Variants in HMCN1 observed in about 807,000 individuals in gnomAD.
HMCN1 encodes the protein hemicentin-1.
HMCN1 carries 321 observed loss-of-function variants against 625.9 expected under a neutral mutation model. The ratio of observed to expected loss-of-function variants is 0.51; its 90% CI spans 0.47 to 0.56. HMCN1 has a LOEUF of 0.56. Ranked by LOEUF, HMCN1 falls within the 20% of genes least tolerant of loss-of-function variation. The pLI is 0.00. For synonymous variants in HMCN1, 2,425 were observed against 2,417.6 expected (o/e 1.00, Z -0.09); for missense variants, 6,588 against 6,887.3 (o/e 0.96, Z 1.54).
chr1:186,108,095 G>A (rs2102456199), intron 70 of HMCN1, among the ~76,000 whole-genome samples: 1 of 148,728 alleles, frequency 6.7e-6, no homozygotes, highest in South Asian at 2.1e-4. Context: ...ATTATGATGG[G>A]CACTCCCTGA....
At chr1:185,930,826 C>T (rs146249006) in intron 10 of HMCN1, among the ~76,000 whole-genome samples, 65 of 151,656 alleles carry the variant, frequency 4.3e-4, no homozygotes, top group African/African-American at 1.4e-3. Context: ...CTTTTCATTA[C>T]ATTTGGTAGT....
chr1:186,003,321 C>T (rs1271603849), intron 28 of HMCN1, among the ~76,000 whole-genome samples: 1 of 152,120 alleles, frequency 6.6e-6, no homozygotes, highest in East Asian at 1.9e-4. Context: ...TCAAGTAGCA[C>T]CACACTATAT....
chr1:186,074,409 A>G (rs920171690), intron 52 of HMCN1, among the ~76,000 whole-genome samples: 35 of 151,970 alleles, frequency 2.3e-4, no homozygotes, highest in African/African-American at 7.7e-4. Context: ...ATTATATGAG[A>G]TCAGTGAAAA....
intron 15 of HMCN1, among the ~76,000 whole-genome samples, chr1:185,972,396 G>GATTA (rs1650894341): frequency 1.3e-5 from 2 of 152,068 alleles, no homozygotes; most frequent in Non-Finnish European, 2.9e-5. Context: ...ATCTGTGTTG[G>GATTA]GGTGACTTAC....
chr1:186,063,975 T>C (rs1483130951), intron 48 of HMCN1, among the ~76,000 whole-genome samples: 2 of 152,150 alleles, frequency 1.3e-5, no homozygotes, highest in Admixed American at 1.3e-4. Context: ...AGTCAGAGTT[T>C]AAAGGAAGAT....
chr1:186,040,382 T>C (rs1656125893), intron 39 of HMCN1, among the ~76,000 whole-genome samples: 1 of 152,106 alleles, frequency 6.6e-6, no homozygotes, highest in Admixed American at 6.6e-5. Flanking sequence ...TTTAAATGCA[T>C]TATATTGAGT....
chr1:185,958,165 T>C (rs1405017174), intron 11 of HMCN1, among the ~76,000 whole-genome samples: 1 of 152,100 alleles, frequency 6.6e-6, no homozygotes, highest in African/African-American at 2.4e-5. Flanking sequence ...ACTGCAACTT[T>C]TGACTCACTG....
chr1:185,956,167 G>A (rs1271811028), intron 11 of HMCN1, among the ~76,000 whole-genome samples: 2 of 151,880 alleles, frequency 1.3e-5, no homozygotes, highest in Non-Finnish European at 2.9e-5. Context: ...TCCATATACC[G>A]AACTTCACTT....
rs58109956 is a variant in HMCN1 at position 185,919,071 on chromosome 1, G to A, written c.901-3308G>A. 2.3e-3 allele frequency among the ~76,000 whole-genome samples: 321 copies of A among 142,250 alleles called. 3 individuals carry two copies. The highest frequency in any genetic ancestry group is 9.3e-3 in the African/African-American group (311 of 33,368). The allele number at this position is 142,250 out of a possible 152,430, so 93.3% of individuals were successfully genotyped here. ...AGTAATTTTGGCCTCACTAATTTTA[G>A]GACATATATATATATATATAATTTT... On this transcript the variant is annotated intron_variant, in intron 6 of 106. Transcript: ENST00000271588.
At chr1:185,930,177 T>C (rs1325281330) in intron 10 of HMCN1, among the ~76,000 whole-genome samples, 1 of 152,164 alleles carries the variant, frequency 6.6e-6, no homozygotes, top group Non-Finnish European at 1.5e-5. Flanking sequence ...AACTAGGAAA[T>C]TGTACTGTGC....
At chr1:185,894,758 T>C (rs1665387615) in intron 4 of HMCN1, among the ~76,000 whole-genome samples, 1 of 152,228 alleles carries the variant, frequency 6.6e-6, no homozygotes, top group African/African-American at 2.4e-5. Context: ...AACAAAGATT[T>C]TGGATTTTCT....
At position 186,038,564 on chromosome 1, in the gene HMCN1, G is replaced by A. The variant is rs182185087; in HGVS notation, c.5852-265G>A. On this transcript the variant is annotated intron_variant, in intron 37 of 106. Transcript: ENST00000271588. Reference sequence around the variant, plus strand: ...CAAAAAATAGATAGGTTGAAAGTTTGCTATTAAATAATACTGATATATTAG... The same window carrying A: ...CAAAAAATAGATAGGTTGAAAGTTTACTATTAAATAATACTGATATATTAG... 2.4e-4 allele frequency among the ~76,000 whole-genome samples: 37 copies of A among 152,172 alleles called. No homozygotes were observed. The East Asian group carries it at 6.8e-3, about 28-fold the overall frequency.
At position 185,823,831 on chromosome 1, in the gene HMCN1, T is replaced by A. The variant is rs186154853; in HGVS notation, c.269-22195T>A. On this transcript the variant is annotated intron_variant, in intron 1 of 106. Transcript: ENST00000271588. ...CTGAAACAATACAGACTTCTAGAAA[T>A]GAATAATTAAATTACCTAGGTTCAT... Among the ~76,000 whole-genome samples the A allele has an allele frequency of 5.0e-3, 766 of 152,286 alleles. 7 individuals carry two copies. Among genetic ancestry groups the A allele is most frequent in the Middle Eastern group, 0.027 (8 of 294 alleles).
At chr1:185,977,378 A>G (rs1225708072) in intron 15 of HMCN1, among the ~76,000 whole-genome samples, 1 of 152,170 alleles carries the variant, frequency 6.6e-6, no homozygotes, top group Non-Finnish European at 1.5e-5. Flanking sequence ...TAAAAATTCA[A>G]CCAAAGGAGT....
rs564887746 is a variant in HMCN1 at position 185,839,220 on chromosome 1, C to G, written c.269-6806C>G. ...TATTTTCTTTATCCCTAACTAATGA[C>G]TAGATTTATTTTGAAAAATATTAAT... On this transcript the variant is annotated intron_variant, in intron 1 of 106. Coordinates refer to ENST00000271588, the MANE Select transcript of HMCN1 (RefSeq NM_031935.3). Among the ~76,000 whole-genome samples, 5 of 152,166 alleles carry G rather than the reference C, an allele frequency of 3.3e-5. No individual in the cohort carries two copies. In the East Asian group the frequency reaches 9.7e-4, roughly 29 times the overall value.
Position 186,137,589 on chromosome 1 carries a change from G to C in HMCN1, c.13674G>C (p.Gln4558His). ...GIQKRSRLCN[Q>H]PLPANGGKPC... ...AAAAGAGGAGTCGTCTGTGCAACCA[G>C]CCCCTTCCAGCCAATGGTGGGAAGC... The change falls in exon 88 of 107, where the codon CAG becomes CAC. Residue 4558 changes from glutamine to histidine, a missense_variant. By Grantham distance (24) the Gln-to-His change is conservative (BLOSUM62 0). Coordinates refer to ENST00000271588, the MANE Select transcript of HMCN1 (RefSeq NM_031935.3). 1 of 1,613,934 alleles carries C rather than the reference G, an allele frequency of 6.2e-7. No individual in the cohort carries two copies. Among genetic ancestry groups the C allele is most frequent in the Non-Finnish European group, 8.5e-7 (1 of 1,179,948 alleles).
intron 95 of HMCN1, 131 bp downstream of exon 95, chr1:186,151,874 CA>C: frequency 1.1e-6 from 1 of 902,936 alleles, no homozygotes; most frequent in African/African-American, 1.7e-5. Flanking sequence ...GATATAAAAG[CA>C]ATTTCATGTT....
intron 1 of HMCN1, among the ~76,000 whole-genome samples, chr1:185,842,070 G>A (rs764489657): frequency 6.6e-6 from 1 of 152,178 alleles, no homozygotes; most frequent in East Asian, 1.9e-4. Context: ...AAAAAAGTCT[G>A]TATCAATTAG....
intron 1 of HMCN1, among the ~76,000 whole-genome samples, chr1:185,739,416 G>T (rs1038056783): frequency 6.6e-6 from 1 of 152,086 alleles, no homozygotes; most frequent in Non-Finnish European, 1.5e-5. Flanking sequence ...CATTGAGGAG[G>T]GCTGATCATC....
Sources: allele counts gnomAD v4.1 joint callset (sites outside exome capture counted in the v4.1 genomes callset), GRCh38; gene constraint gnomAD v4.1.1; transcripts MANE v1.5; gene names NCBI Gene and HGNC (gene_info 2026-07-23, HGNC 2026-07-21).